Variants in PRR14L observed in about 807,000 individuals in gnomAD.
PRR14L encodes the protein protein PRR14L.
PRR14L carries 80 observed loss-of-function variants against 155.0 expected under a neutral mutation model. The observed-to-expected ratio is 0.52, with a 90% confidence interval of 0.43 to 0.62. The LOEUF is 0.62. PRR14L is among the 20% of genes least tolerant of loss of function. PRR14L has a pLI of 0.00. For missense variants in PRR14L, 2,469 were observed against 2,548.0 expected, an observed-to-expected ratio of 0.97 and a Z score of 0.67; for synonymous variants, 883 against 916.0, an observed-to-expected ratio of 0.96 and a Z score of 0.65.
chr22:31,687,587 C>T (rs567237683), intron 8 of PRR14L, among the ~76,000 whole-genome samples: 2 of 148,526 alleles, frequency 1.3e-5, no homozygotes, highest in South Asian at 2.2e-4. Flanking sequence ...CTCCTGACCT[C>T]GTGATCCACC....
At chr22:31,688,043 A>G in intron 8 of PRR14L, 113 bp downstream of exon 8, 1 of 1,078,134 alleles carries the variant, frequency 9.3e-7, no homozygotes, top group Non-Finnish European at 1.3e-6. Context: ...AAAAAAAAAA[A>G]AGACCCAATA....
chr22:31,741,069 C>T (rs1346511347), intron 1 of PRR14L, among the ~76,000 whole-genome samples: 1 of 151,618 alleles, frequency 6.6e-6, no homozygotes, highest in Non-Finnish European at 1.5e-5. Context: ...CTGGCTAACA[C>T]GGTGAAACCC....
chr22:31,739,496 C>G (rs1317747995), intron 1 of PRR14L, among the ~76,000 whole-genome samples: 1 of 152,180 alleles, frequency 6.6e-6, no homozygotes, highest in Non-Finnish European at 1.5e-5. Flanking sequence ...CACTACTAAA[C>G]CAGCTCGTTA....
At chr22:31,728,008 A>C (rs1422378805) in intron 2 of PRR14L, among the ~76,000 whole-genome samples, 1 of 151,866 alleles carries the variant, frequency 6.6e-6, no homozygotes, top group Non-Finnish European at 1.5e-5. Flanking sequence ...AAGAAATTGA[A>C]TCAATCGACA....
chr22:31,687,325 T>C (rs867141855), intron 8 of PRR14L, among the ~76,000 whole-genome samples: 10 of 150,408 alleles, frequency 6.6e-5, no homozygotes, highest in African/African-American at 2.4e-4. Flanking sequence ...TGTCAGCCAC[T>C]GCACCTGGCT....
At chr22:31,731,858 GT>G (rs1466022014) in intron 2 of PRR14L, among the ~76,000 whole-genome samples, 5 of 152,120 alleles carry the variant, frequency 3.3e-5, no homozygotes, top group African/African-American at 1.2e-4. Context: ...CTAAAGTAAT[GT>G]GGGCTACCCT....
chr22:31,719,898 G>C (rs560363266), intron 3 of PRR14L, among the ~76,000 whole-genome samples: 1 of 152,032 alleles, frequency 6.6e-6, no homozygotes, highest in East Asian at 1.9e-4. Context: ...CACCATGTCC[G>C]GCTAATTTTT....
In PRR14L at chr22:31,706,000, C is replaced by T. The variant is rs1040943391; in HGVS notation, c.5757-1274G>A. On this transcript the variant is annotated intron_variant, in intron 4 of 8. Transcript: ENST00000327423. ...TGGGCGACAGAGGGAGACTCTGTCT[C>T]AAAAACCAAACTAAACAAAACAACA... 3.4e-5 allele frequency among the ~76,000 whole-genome samples: 5 copies of T among 148,596 alleles called. No individual in the cohort carries two copies. In the Admixed American group the frequency reaches 3.4e-4, roughly 10 times the overall value.
chr22:31,736,065 A>G (rs937447358), intron 2 of PRR14L, among the ~76,000 whole-genome samples: 1 of 149,994 alleles, frequency 6.7e-6, no homozygotes, highest in African/African-American at 2.5e-5. Context: ...AAAAAAAAAA[A>G]AAAATTAGCC....
At chr22:31,725,921 C>T (rs997587409) in intron 2 of PRR14L, among the ~76,000 whole-genome samples, 14 of 151,122 alleles carry the variant, frequency 9.3e-5, no homozygotes, top group African/African-American at 2.4e-4. Context: ...CGCCCGCCTC[C>T]GCCTCCCAAA....
At chr22:31,718,476 G>T (rs900577078) in intron 3 of PRR14L, among the ~76,000 whole-genome samples, 11 of 149,856 alleles carry the variant, frequency 7.3e-5, no homozygotes, top group African/African-American at 2.7e-4. Flanking sequence ...GGATGGTCTT[G>T]ATCTCCTGAC....
Position 31,713,089 on chromosome 22 carries a change from T to G in PRR14L, c.4750A>C (p.Lys1584Gln). 1.9e-6 allele frequency: 3 copies of G among 1,552,330 alleles called. No homozygotes were observed. Among genetic ancestry groups the G allele is most frequent in the Non-Finnish European group, 2.6e-6 (3 of 1,147,146 alleles). The change falls in exon 4 of 9, where the codon AAG (lysine) becomes CAG (glutamine). Residue 1584 changes from lysine (K) to glutamine (Q), a missense_variant. This residue lies in a region of PRR14L where 2,363 missense variants were observed against 2,371.6 expected (regional missense o/e 1.00). Transcript: ENST00000327423. ...TTTGGTATGTGACTAACCAAGCTCTTGGTAGGTGCTGTTTCAGGTTCTAAT... is the reference window on the plus strand; with the variant it reads ...TTTGGTATGTGACTAACCAAGCTCTGGGTAGGTGCTGTTTCAGGTTCTAAT... Reference protein sequence around the residue: ...TRLEPETAPTKSLVSHIPKQM... With the variant: ...TRLEPETAPTQSLVSHIPKQM...
rs1348285484 is a variant in PRR14L at position 31,703,463 on chromosome 22, C to T, written c.6000+87G>A. On this transcript the variant is annotated intron_variant, in intron 6 of 8. Coordinates refer to ENST00000327423, the MANE Select transcript of PRR14L (RefSeq NM_173566.3). ...GGTGGTACGTAAAGATACTCAGAAG[C>T]CAGTCTGTAGCTATAATGCGATGTG... 8 of 1,288,064 alleles carry T rather than the reference C, an allele frequency of 6.2e-6. No homozygotes were observed. The South Asian group carries it at 9.9e-5, about 16-fold the overall frequency. The allele number at this position is 1,288,064 out of a possible 1,614,324, so 79.8% of individuals were successfully genotyped here.
intron 7 of PRR14L, among the ~76,000 whole-genome samples, chr22:31,693,359 C>T (rs1036746246): frequency 2.6e-5 from 4 of 152,174 alleles, no homozygotes; most frequent in African/African-American, 9.7e-5. Context: ...GATTGGCTTC[C>T]TTTACTCAGT....
chr22:31,710,545 C>T lies in PRR14L; in HGVS notation c.5756+1538G>A, dbSNP rs559779210. ...TCGGCTCACTGCAAGTTCTGCCTCC[C>T]GGGTTCATGCCATTCTCCTGCCTCA... On this transcript the variant is annotated intron_variant, in intron 4 of 8. Transcript: ENST00000327423. 5.7e-4 allele frequency among the ~76,000 whole-genome samples: 86 copies of T among 151,242 alleles called. 1 individual carries two copies. The highest frequency in any genetic ancestry group is 2.0e-3 in the African/African-American group (84 of 41,228).
chr22:31,737,218 C>T (rs545836085), intron 2 of PRR14L, among the ~76,000 whole-genome samples: 91 of 151,514 alleles, frequency 6.0e-4, no homozygotes, highest in African/African-American at 1.3e-3. Context: ...CGGTGGCTCA[C>T]GCCTATAATC....
chr22:31,715,794 G>A lies in PRR14L; in HGVS notation c.2045C>T (p.Thr682Ile), dbSNP rs371542869. Reference protein sequence around the residue: ...LHLNKEMPLATGRDAHQSHHP... With the variant: ...LHLNKEMPLAIGRDAHQSHHP... ...ATGGCTCTGATGGGCATCTCTGCCT[G>A]TTGCTAAAGGCATCTCTTTGTTTAA... Residue 682 changes from threonine (T) to isoleucine (I), a missense_variant, in exon 4 of 9, where the codon ACA becomes ATA. Coordinates refer to ENST00000327423, the MANE Select transcript of PRR14L (RefSeq NM_173566.3). 4 of 1,551,536 alleles carry A rather than the reference G, an allele frequency of 2.6e-6. No homozygotes were observed. In the African/African-American group the frequency reaches 4.1e-5, roughly 16 times the overall value.
At chr22:31,745,135 T>C (rs1040137595) in intron 1 of PRR14L, among the ~76,000 whole-genome samples, 8 of 152,318 alleles carry the variant, frequency 5.3e-5, no homozygotes, top group African/African-American at 1.9e-4. Flanking sequence ...CCCAGCACTT[T>C]GGGAGGACAA....
intron 2 of PRR14L, among the ~76,000 whole-genome samples, chr22:31,733,298 GTTTTTTTTTTTTTTTTTTTT>G (rs1162819822): frequency 1.6e-5 from 1 of 64,032 alleles, no homozygotes; most frequent in Non-Finnish European, 2.6e-5. Flanking sequence ...CCTGGCCACT[GTTTTTTTTTTTTTTTTTTTT>G]TTTTGAGACG....
Sources: gnomAD v4.1 joint callset for allele counts (sites outside exome capture counted in the v4.1 genomes callset) on GRCh38, gnomAD v4.1.1 for gene constraint, gnomAD v4.1.1 regional missense constraint, MANE v1.5 for transcripts, NCBI Gene and HGNC (gene_info 2026-07-23, HGNC 2026-07-21) for gene names.